Variants in CYP4Z1 observed in about 807,000 individuals in gnomAD.
CYP4Z1 encodes the protein cytochrome P450 4Z1.
A neutral mutation model predicts 54.2 loss-of-function variants in CYP4Z1; 41 were observed. The observed-to-expected ratio is 0.76, with a 90% CI of 0.59 to 0.98. CYP4Z1 has a LOEUF of 0.98. Among genes scored for constraint, CYP4Z1 ranks in the 50% least tolerant of loss-of-function variants. The pLI, the probability that CYP4Z1 is intolerant of heterozygous loss-of-function variation, is 0.00. For missense variants in CYP4Z1, 513 were observed against 599.0 expected, an observed-to-expected ratio of 0.86 and a Z score of 1.50; for synonymous variants, 163 against 206.2, an observed-to-expected ratio of 0.79 and a Z score of 1.79.
chr1:47,081,947 C>T (rs971513086), intron 3 of CYP4Z1, among the ~76,000 whole-genome samples: 7 of 148,746 alleles, frequency 4.7e-5, no homozygotes, highest in African/African-American at 1.8e-4. Context: ...CTAGCTGGGA[C>T]CCTTGTCATA....
chr1:47,115,422 T>C, intron 9 of CYP4Z1, 107 bp from the exon 10 acceptor site: 6 of 981,282 alleles, frequency 6.1e-6, no homozygotes, highest in Non-Finnish European at 9.3e-6. Context: ...GTTGTGCATA[T>C]GTACCCTAAA....
chr1:47,060,354 G>A, the CYP4Z1 span, among the ~76,000 whole-genome samples: 1 of 152,130 alleles, frequency 6.6e-6, no homozygotes, highest in Non-Finnish European at 1.5e-5. Context: ...TCAAGATAAA[G>A]GGATGGAGGA....
At chr1:47,083,622 C>T (rs201072578) in intron 4 of CYP4Z1, among the ~76,000 whole-genome samples, 3 of 151,646 alleles carry the variant, frequency 2.0e-5, no homozygotes, top group African/African-American at 4.9e-5. Flanking sequence ...ATGGCCAAAC[C>T]CCATCTCTAC....
chr1:47,061,017 G>A, the CYP4Z1 span, among the ~76,000 whole-genome samples: 1 of 152,084 alleles, frequency 6.6e-6, no homozygotes, highest in African/African-American at 2.4e-5. Context: ...AACAAAGGTA[G>A]AACATACCAG....
At chr1:47,108,676 G>T (rs1644773068) in intron 9 of CYP4Z1, among the ~76,000 whole-genome samples, 1 of 152,166 alleles carries the variant, frequency 6.6e-6, no homozygotes, top group Non-Finnish European at 1.5e-5. Flanking sequence ...GGCCCAACAA[G>T]TGCATATTAA....
intron 2 of CYP4Z1, among the ~76,000 whole-genome samples, chr1:47,073,893 G>T (rs1188110616): frequency 2.0e-5 from 3 of 152,170 alleles, no homozygotes; most frequent in Non-Finnish European, 4.4e-5. Flanking sequence ...ATTATTTTGT[G>T]GTTTGTCTTT....
At chr1:47,096,081 G>C (rs996584950) in intron 7 of CYP4Z1, among the ~76,000 whole-genome samples, 8 of 152,154 alleles carry the variant, frequency 5.3e-5, no homozygotes, top group African/African-American at 9.7e-5. Context: ...GGTGGATTTG[G>C]AAGTGAAATA....
intron 2 of CYP4Z1, among the ~76,000 whole-genome samples, chr1:47,072,853 GA>G (rs1364486392): frequency 6.6e-6 from 1 of 150,618 alleles, no homozygotes; most frequent in Non-Finnish European, 1.5e-5. Flanking sequence ...GACACTACAA[GA>G]TCCTGACCAT....
intron 6 of CYP4Z1, among the ~76,000 whole-genome samples, chr1:47,085,840 C>T (rs1644589448): frequency 9.0e-6 from 1 of 111,248 alleles, no homozygotes; most frequent in African/African-American, 3.4e-5. Flanking sequence ...CTATCCCACC[C>T]CCCTCCCCCC....
At chr1:47,074,483 T>A (rs1324404459) in intron 2 of CYP4Z1, among the ~76,000 whole-genome samples, 1 of 152,236 alleles carries the variant, frequency 6.6e-6, no homozygotes, top group Non-Finnish European at 1.5e-5. Flanking sequence ...ATGATGTGAT[T>A]TCATTGTTTT....
intron 9 of CYP4Z1, among the ~76,000 whole-genome samples, chr1:47,114,660 G>C (rs1292469728): frequency 6.6e-6 from 1 of 152,158 alleles, no homozygotes; most frequent in African/African-American, 2.4e-5. Context: ...CTTCTCAAAA[G>C]AAGACATTTA....
chr1:47,066,271 C>T (rs1644449935), upstream of CYP4Z1, among the ~76,000 whole-genome samples: 2 of 152,054 alleles, frequency 1.3e-5, no homozygotes, highest in South Asian at 4.2e-4. Context: ...AACATAGATG[C>T]AAAAATCCTC....
At chr1:47,099,556 C>A (rs1644705482) in intron 8 of CYP4Z1, among the ~76,000 whole-genome samples, 1 of 152,154 alleles carries the variant, frequency 6.6e-6, no homozygotes, top group Non-Finnish European at 1.5e-5. Context: ...AGTCTGCCTA[C>A]CTTTTTTATG....
intron 9 of CYP4Z1, among the ~76,000 whole-genome samples, chr1:47,111,571 C>G (rs1431589387): frequency 6.6e-6 from 1 of 152,118 alleles, no homozygotes; most frequent in African/African-American, 2.4e-5. Context: ...TTTCAAAGAC[C>G]TACGCAAACC....
At chr1:47,095,063 T>G (rs2653927) in intron 7 of CYP4Z1, among the ~76,000 whole-genome samples, 1 of 149,788 alleles carries the variant, frequency 6.7e-6, no homozygotes, top group Non-Finnish European at 1.5e-5. Flanking sequence ...GTGAAGATTT[T>G]CCTGCTTGTC....
At chr1:47,095,290 C>T (rs1343451137) in intron 7 of CYP4Z1, among the ~76,000 whole-genome samples, 3 of 151,964 alleles carry the variant, frequency 2.0e-5, no homozygotes, top group Non-Finnish European at 2.9e-5. Context: ...ACATATCCCT[C>T]GGTGTTTCAT....
chr1:47,100,821 C>T (rs750045068), intron 8 of CYP4Z1, among the ~76,000 whole-genome samples: 10 of 152,188 alleles, frequency 6.6e-5, no homozygotes, highest in Non-Finnish European at 1.5e-4. Context: ...GGTTTTGGAA[C>T]GTATCCCTCA....
At chr1:47,056,941 T>C in the CYP4Z1 span, among the ~76,000 whole-genome samples, 2 of 152,152 alleles carry the variant, frequency 1.3e-5, no homozygotes, top group Non-Finnish European at 2.9e-5. Context: ...TATTGTTATG[T>C]GTGAATTTGA....
chr1:47,068,444 A>T (rs557391062), intron 1 of CYP4Z1, among the ~76,000 whole-genome samples, 178 bp from the exon 2 acceptor site: 1 of 152,270 alleles, frequency 6.6e-6, no homozygotes, highest in South Asian at 2.1e-4. Flanking sequence ...CAGGGCCACG[A>T]AGATTCTGTG....
Sources: gnomAD v4.1 joint callset for allele counts (sites outside exome capture counted in the v4.1 genomes callset) on GRCh38, gnomAD v4.1.1 for gene constraint, MANE v1.5 for transcripts, NCBI Gene and HGNC (gene_info 2026-07-23, HGNC 2026-07-21) for gene names.